IL31RA: variants seen among roughly 807,000 people sequenced by gnomAD.
IL31RA encodes the protein interleukin-31 receptor subunit alpha.
A neutral mutation model predicts 83.7 loss-of-function variants in IL31RA; 66 were observed. The ratio of observed to expected loss-of-function variants is 0.79; its 90% CI spans 0.65 to 0.97. The LOEUF (loss-of-function observed/expected upper bound fraction) is 0.97, where lower values mean the gene tolerates loss of function less well. Ranked by LOEUF, IL31RA falls within the 50% of genes least tolerant of loss-of-function variation. The pLI is 0.00. For synonymous variants in IL31RA, 325 were observed against 329.0 expected (o/e 0.99, Z 0.13); for missense variants, 798 against 919.4 (o/e 0.87, Z 1.71).
chr5:55,867,277 G>GTC (rs1554085292), intron 2 of IL31RA, among the ~76,000 whole-genome samples: 4 of 77,036 alleles, frequency 5.2e-5, no homozygotes, highest in Non-Finnish European at 1.0e-4. Flanking sequence ...GCGTGTGTGT[G>GTC]CATGTGTGTG....
Position 55,851,459 on chromosome 5 carries a change from A to G in IL31RA, c.-112A>G, listed in dbSNP as rs192895050. 6.0e-4 allele frequency: 961 copies of G among 1,604,836 alleles called. 2 individuals are homozygous for G. Among genetic ancestry groups the G allele is most frequent in the Non-Finnish European group, 7.8e-4 (920 of 1,174,358 alleles). On this transcript the variant is annotated 5_prime_UTR_variant, in exon 1 of 15. Transcript: ENST00000652347. ...TCATAAAAGGCAAAAAATTGCAAAA[A>G]AAAATAGTAATAACCAGCATGGCAC... is the stretch of plus-strand genomic sequence containing the variant.
intron 12 of IL31RA, among the ~76,000 whole-genome samples, chr5:55,911,540 T>G (rs975659106): frequency 5.3e-5 from 8 of 152,118 alleles, no homozygotes; most frequent in Admixed American, 1.3e-4. Context: ...TTACCCACTT[T>G]TACATTAAAA....
chr5:55,887,614 C>T (rs1199518098), intron 5 of IL31RA, among the ~76,000 whole-genome samples: 2 of 152,058 alleles, frequency 1.3e-5, no homozygotes, highest in Non-Finnish European at 2.9e-5. Context: ...TGGCCGGGCA[C>T]GGTGGCTCAC....
At chr5:55,881,716 A>AT (rs34217814) in intron 4 of IL31RA, among the ~76,000 whole-genome samples, 30,019 of 59,502 alleles carry the variant, frequency 0.5, 12,793 homozygotes, top group South Asian at 0.65. Context: ...AGTTCCTGAG[A>AT]TTTTTTTTTT....
intron 5 of IL31RA, among the ~76,000 whole-genome samples, chr5:55,888,006 T>C (rs1166099059): frequency 1.3e-5 from 2 of 150,184 alleles, no homozygotes; most frequent in African/African-American, 4.9e-5. Flanking sequence ...GCCAAGATCG[T>C]GCCACTGCAC....
At chr5:55,854,257 T>G (rs1197582593) in intron 1 of IL31RA, among the ~76,000 whole-genome samples, 8 of 152,190 alleles carry the variant, frequency 5.3e-5, no homozygotes, top group African/African-American at 1.9e-4. Flanking sequence ...ATTTATAGAC[T>G]TTGAAACTGG....
intron 1 of IL31RA, chr5:55,852,258 C>T (rs1745109910): frequency 6.6e-6 from 1 of 152,442 alleles, no homozygotes; most frequent in Admixed American, 6.5e-5. Flanking sequence ...CAACCTCTGC[C>T]TCCCGGGTTC....
At chr5:55,916,167 G>A (rs901335886) in intron 14 of IL31RA, among the ~76,000 whole-genome samples, 13 of 152,134 alleles carry the variant, frequency 8.5e-5, no homozygotes, top group African/African-American at 2.9e-4. Context: ...GATTGCTTGA[G>A]CTCAGGAGTT....
At position 55,916,882 on chromosome 5, in the gene IL31RA, T is replaced by C; in HGVS notation, c.2057T>C (p.Phe686Ser). 1 of 1,614,150 alleles carries C rather than the reference T, an allele frequency of 6.2e-7. No individual in the cohort carries two copies. Among genetic ancestry groups the C allele is most frequent in the Non-Finnish European group, 8.5e-7 (1 of 1,180,008 alleles). The part of the protein sequence containing the change: ...FRPDCPLGKS[F>S]EELPVSPEIP... ...CCTGATTGTCCCCTGGGGAAAAGTT[T>C]TGAGGAGCTCCCAGTTTCACCTGAG... Residue 686 changes from phenylalanine (F) to serine (S), a missense_variant, in exon 15 of 15, where the codon TTT becomes TCT. Physicochemically the swap from Phe to Ser is radical, Grantham distance 155 (BLOSUM62 -2). Transcript: ENST00000652347.
At chr5:55,890,528 C>G (rs372859640) in intron 6 of IL31RA, among the ~76,000 whole-genome samples, 1 of 152,096 alleles carries the variant, frequency 6.6e-6, no homozygotes, top group African/African-American at 2.4e-5. Flanking sequence ...CACGACCATG[C>G]CCGGTTGATT....
At chr5:55,867,120 T>C (rs1314535526) in intron 2 of IL31RA, among the ~76,000 whole-genome samples, 2 of 134,932 alleles carry the variant, frequency 1.5e-5, no homozygotes, top group Admixed American at 7.3e-5. Flanking sequence ...TGCATGTGTG[T>C]GTTTGTGTGT....
intron 3 of IL31RA, among the ~76,000 whole-genome samples, chr5:55,870,184 C>T (rs1010278629): frequency 2.6e-5 from 4 of 152,186 alleles, no homozygotes; most frequent in South Asian, 2.1e-4. Context: ...CCAATGGGTG[C>T]GGCTGCTTTC....
At chr5:55,865,405 C>G (rs1745993869) in intron 2 of IL31RA, among the ~76,000 whole-genome samples, 1 of 152,082 alleles carries the variant, frequency 6.6e-6, no homozygotes, top group Non-Finnish European at 1.5e-5. Flanking sequence ...CAACAGGAAG[C>G]CATCTAGCTC....
intron 1 of IL31RA, chr5:55,853,199 T>G: frequency 2.1e-6 from 1 of 473,358 alleles, no homozygotes; most frequent in Non-Finnish European, 2.9e-6. Flanking sequence ...TATTACCACA[T>G]TTGTAAGGAC....
At chr5:55,904,264 G>T (rs931123246) in intron 8 of IL31RA, among the ~76,000 whole-genome samples, 2 of 152,120 alleles carry the variant, frequency 1.3e-5, no homozygotes, top group African/African-American at 4.8e-5. Flanking sequence ...TCTTGCAGGG[G>T]ACTCTATCTA....
At position 55,919,031 on chromosome 5, in the gene IL31RA, C is replaced by T. The variant is rs79901079; in HGVS notation, c.*1911C>T. Among the ~76,000 whole-genome samples, 704 of 152,218 alleles carry T rather than the reference C, an allele frequency of 4.6e-3. 3 individuals carry two copies. The highest frequency in any genetic ancestry group is 0.016 in the African/African-American group (676 of 41,544). ...TGCTCTCCCTGCTCTCCCTGTTCTCCACCCCTTCTATGGTGTGGGCTCTTC... is the reference window on the plus strand; with the variant it reads ...TGCTCTCCCTGCTCTCCCTGTTCTCTACCCCTTCTATGGTGTGGGCTCTTC... On this transcript the variant is annotated 3_prime_UTR_variant, in exon 15 of 15. Coordinates refer to ENST00000652347, the MANE Select transcript of IL31RA (RefSeq NM_139017.7).
intron 4 of IL31RA, among the ~76,000 whole-genome samples, chr5:55,880,423 A>G (rs1747134617): frequency 6.6e-6 from 1 of 152,204 alleles, no homozygotes; most frequent in Admixed American, 6.5e-5. Context: ...CTGTATCAAA[A>G]CAGCTCATAT....
At chr5:55,855,153 A>G (rs934482516) in intron 1 of IL31RA, among the ~76,000 whole-genome samples, 1 of 151,512 alleles carries the variant, frequency 6.6e-6, no homozygotes, top group African/African-American at 2.4e-5. Context: ...GCCATTTTTT[A>G]TTTTTTTATT....
At chr5:55,844,377 C>T in the IL31RA span, among the ~76,000 whole-genome samples, 1 of 151,566 alleles carries the variant, frequency 6.6e-6, no homozygotes, top group Non-Finnish European at 1.5e-5. Context: ...GTCAGAAACT[C>T]AGATCTACAT....
Sources: allele counts gnomAD v4.1 joint callset (sites outside exome capture counted in the v4.1 genomes callset), GRCh38; gene constraint gnomAD v4.1.1; transcripts MANE v1.5; gene names NCBI Gene and HGNC (gene_info 2026-07-23, HGNC 2026-07-21).